CNTNAP2: variants seen among roughly 807,000 people sequenced by gnomAD.
CNTNAP2 encodes contactin-associated protein-like 2.
Under a neutral mutation model 155.2 loss-of-function variants are expected in CNTNAP2, and 98 were observed. The observed-to-expected ratio is 0.63, with a 90% CI of 0.54 to 0.75. The LOEUF (loss-of-function observed/expected upper bound fraction) is 0.75, where lower values mean the gene tolerates loss of function less well. Ranked by LOEUF, CNTNAP2 falls within the 30% of genes least tolerant of loss-of-function variation. The pLI is 0.00. For synonymous variants in CNTNAP2, 651 were observed against 631.2 expected, an observed-to-expected ratio of 1.03 and a Z score of -0.47; for missense variants, 1,727 against 1,688.1, an observed-to-expected ratio of 1.02 and a Z score of -0.40.
At chr7:147,541,534 T>C (rs1285531430) in intron 11 of CNTNAP2, among the ~76,000 whole-genome samples, 1 of 152,162 alleles carries the variant, frequency 6.6e-6, no homozygotes, top group African/African-American at 2.4e-5. Context: ...AATTCTAAAA[T>C]TCTGTGGTTC....
chr7:147,575,107 A>ATGTGTGTGTG lies in CNTNAP2; in HGVS notation c.1897+12886_1897+12895dup, dbSNP rs754922892. On this transcript the variant is annotated intron_variant, in intron 12 of 23. Coordinates refer to ENST00000361727, the MANE Select transcript of CNTNAP2 (RefSeq NM_014141.6). ...CATATTCTCCCGGTCTTTGTGGGAA[A>ATGTGTGTGTG]TGTGTGTGTGTGTGTGTGTGTGTGT... Among the ~76,000 whole-genome samples, 65 of 94,032 alleles carry ATGTGTGTGTG rather than the reference A, an allele frequency of 6.9e-4. 1 individual carries two copies. Among genetic ancestry groups the ATGTGTGTGTG allele is most frequent in the African/African-American group, 2.4e-3 (62 of 25,470 alleles). The allele number at this position is 94,032 out of a possible 152,430, so 61.7% of individuals were successfully genotyped here.
At chr7:148,250,955 C>T (rs911873959) in intron 20 of CNTNAP2, among the ~76,000 whole-genome samples, 1 of 152,164 alleles carries the variant, frequency 6.6e-6, no homozygotes, top group Non-Finnish European at 1.5e-5. Flanking sequence ...TCAAGCAATC[C>T]TCCTGCCTCA....
chr7:146,271,566 T>C (rs574969836), intron 1 of CNTNAP2, among the ~76,000 whole-genome samples: 1 of 151,934 alleles, frequency 6.6e-6, no homozygotes, highest in Admixed American at 6.5e-5. Context: ...ATTAAGAACT[T>C]GTGAAAACAG....
At chr7:148,160,629 A>G (rs1037410566) in intron 17 of CNTNAP2, among the ~76,000 whole-genome samples, 1 of 152,170 alleles carries the variant, frequency 6.6e-6, no homozygotes, top group African/African-American at 2.4e-5. Flanking sequence ...ATAAAGATGC[A>G]ATATTTTTTC....
intron 3 of CNTNAP2, among the ~76,000 whole-genome samples, chr7:147,024,160 A>C (rs2129247626): frequency 6.6e-6 from 1 of 152,330 alleles, no homozygotes; most frequent in East Asian, 1.9e-4. Context: ...CACTATAGTG[A>C]GGACTAAATT....
At chr7:147,191,790 T>G (rs1477166774) in intron 8 of CNTNAP2, among the ~76,000 whole-genome samples, 1 of 152,128 alleles carries the variant, frequency 6.6e-6, no homozygotes, top group Non-Finnish European at 1.5e-5. Context: ...TTAAAAAAAA[T>G]GTAAACCCTA....
intron 21 of CNTNAP2, among the ~76,000 whole-genome samples, chr7:148,296,419 C>T (rs1390654784): frequency 4.0e-5 from 6 of 151,544 alleles, no homozygotes; most frequent in Non-Finnish European, 1.5e-5. Context: ...TAGTGGCATA[C>T]GCCTGTAGTC....
intron 13 of CNTNAP2, among the ~76,000 whole-genome samples, chr7:147,691,434 C>T (rs892937818): frequency 6.6e-6 from 1 of 152,206 alleles, no homozygotes; most frequent in East Asian, 1.9e-4. Flanking sequence ...CAGAGAAGAG[C>T]ACAGAGAGAT....
intron 1 of CNTNAP2, among the ~76,000 whole-genome samples, chr7:146,300,319 T>G (rs1338072191): frequency 3.3e-5 from 5 of 151,450 alleles, no homozygotes; most frequent in Non-Finnish European, 1.5e-5. Context: ...AGGATTATGG[T>G]ATAAATATTG....
chr7:148,388,020 A>T (rs1341336169), intron 22 of CNTNAP2, among the ~76,000 whole-genome samples: 4 of 152,076 alleles, frequency 2.6e-5, no homozygotes, highest in Admixed American at 6.6e-5. Flanking sequence ...TATAGGGCCT[A>T]AAAAAAGGGG....
At chr7:146,906,075 G>A (rs1400176470) in intron 3 of CNTNAP2, among the ~76,000 whole-genome samples, 6 of 152,214 alleles carry the variant, frequency 3.9e-5, no homozygotes, top group South Asian at 2.1e-4. Flanking sequence ...ACTCCCACCC[G>A]AATATTGAGC....
intron 1 of CNTNAP2, among the ~76,000 whole-genome samples, chr7:146,192,168 C>T (rs529174304): frequency 3.3e-5 from 5 of 152,172 alleles, no homozygotes; most frequent in East Asian, 1.9e-4. Context: ...CCGGTCCCTC[C>T]GTTCGGGGTC....
intron 8 of CNTNAP2, among the ~76,000 whole-genome samples, chr7:147,144,876 G>A (rs554183855): frequency 9.8e-5 from 15 of 152,296 alleles, no homozygotes; most frequent in Non-Finnish European, 1.9e-4. Context: ...TTGTGTGAGT[G>A]CGTGGGTGTG....
At chr7:148,291,241 C>T (rs566802851) in intron 21 of CNTNAP2, among the ~76,000 whole-genome samples, 114 of 151,156 alleles carry the variant, frequency 7.5e-4, no homozygotes, top group African/African-American at 2.7e-3. Flanking sequence ...TGTAAGTGAT[C>T]AGCATGTGTT....
chr7:148,169,029 A>G (rs1366643162), intron 17 of CNTNAP2, among the ~76,000 whole-genome samples: 1 of 152,258 alleles, frequency 6.6e-6, no homozygotes, highest in African/African-American at 2.4e-5. Flanking sequence ...GAAACACCAT[A>G]GAGAAGTCAA....
chr7:147,598,129 A>G (rs529313081), intron 12 of CNTNAP2, among the ~76,000 whole-genome samples: 1 of 151,842 alleles, frequency 6.6e-6, no homozygotes, highest in African/African-American at 2.4e-5. Context: ...TTGGCCTCTG[A>G]GTTCGGCATT....
chr7:147,460,132 A>T (rs1797995249), intron 10 of CNTNAP2, among the ~76,000 whole-genome samples: 1 of 151,402 alleles, frequency 6.6e-6, no homozygotes, highest in African/African-American at 2.4e-5. Flanking sequence ...CCCAGAACTT[A>T]AAAAAAAAGA....
chr7:148,346,822 T>G (rs968744119), intron 21 of CNTNAP2, among the ~76,000 whole-genome samples: 26 of 151,650 alleles, frequency 1.7e-4, no homozygotes, highest in African/African-American at 6.1e-4. Context: ...CCACAATTAC[T>G]TTTGCACCAA....
At chr7:148,402,951 C>A (rs1799622897) in intron 22 of CNTNAP2, among the ~76,000 whole-genome samples, 1 of 144,294 alleles carries the variant, frequency 6.9e-6, no homozygotes, top group South Asian at 2.3e-4. Context: ...GTTTTGTTTG[C>A]AATTGGTTTC....
Sources: gnomAD v4.1 joint callset for allele counts (sites outside exome capture counted in the v4.1 genomes callset) on GRCh38, gnomAD v4.1.1 for gene constraint, MANE v1.5 for transcripts, NCBI Gene and HGNC (gene_info 2026-07-23, HGNC 2026-07-21) for gene names.